PRKACB: variants seen among roughly 807,000 people sequenced by gnomAD.
The protein encoded by PRKACB is cAMP-dependent protein kinase catalytic subunit beta.
Under a neutral mutation model 51.4 loss-of-function variants are expected in PRKACB, and 16 were observed. The observed-to-expected ratio is 0.31, with a 90% CI of 0.21 to 0.47. The LOEUF is 0.47. Among genes scored for constraint, PRKACB ranks in the 20% least tolerant of loss-of-function variants. PRKACB has a pLI of 1.00. For synonymous variants in PRKACB, 147 were observed against 154.4 expected, an observed-to-expected ratio of 0.95 and a Z score of 0.35; for missense variants, 309 against 464.5, an observed-to-expected ratio of 0.67 and a Z score of 3.08.
At chr1:84,225,208 T>C (rs920790695) in intron 9 of PRKACB, among the ~76,000 whole-genome samples, 1 of 152,092 alleles carries the variant, frequency 6.6e-6, no homozygotes, top group Non-Finnish European at 1.5e-5. Context: ...GTAGGCAGAG[T>C]GAGTCTGTCC....
At chr1:84,102,607 A>G (rs1649436980) in intron 1 of PRKACB, among the ~76,000 whole-genome samples, 1 of 152,204 alleles carries the variant, frequency 6.6e-6, no homozygotes, top group African/African-American at 2.4e-5. Flanking sequence ...AGAAACCCAC[A>G]GAGTTTTAAA....
chr1:84,097,124 T>G (rs1648979856), intron 1 of PRKACB, among the ~76,000 whole-genome samples: 1 of 152,070 alleles, frequency 6.6e-6, no homozygotes, highest in African/African-American at 2.4e-5. Context: ...CACAATTTAT[T>G]TTTTCTTTCT....
intron 8 of PRKACB, among the ~76,000 whole-genome samples, chr1:84,203,386 AT>A (rs1294282817): frequency 2.0e-5 from 3 of 152,018 alleles, no homozygotes; most frequent in African/African-American, 7.2e-5. Flanking sequence ...GTGTTGTAGT[AT>A]TTTACATTTT....
chr1:84,128,007 C>CTTTTTTTTTTTTTTTTTT (rs10537848), intron 1 of PRKACB, among the ~76,000 whole-genome samples: 1 of 105,396 alleles, frequency 9.5e-6, no homozygotes, highest in Admixed American at 1.1e-4. Flanking sequence ...CTTTTTTTTT[C>CTTTTTTTTTTTTTTTTTT]TTTTTTTTTT....
At chr1:84,200,541 G>T (rs1343063275) in intron 7 of PRKACB, among the ~76,000 whole-genome samples, 1 of 152,152 alleles carries the variant, frequency 6.6e-6, no homozygotes, top group Non-Finnish European at 1.5e-5. Context: ...TGGTGTCTTT[G>T]TCATGAAACC....
Position 84,179,248 on chromosome 1 carries a change from A to T in PRKACB, c.249+10A>T. On this transcript the variant is annotated intron_variant, in intron 2 of 9. Transcript: ENST00000370685. ...GGAGAATCCAACTCAGGTAAGGAAT[A>T]TTTAGATTTTTCTAAAATTAAAAAT... 1 of 1,552,934 alleles carries T rather than the reference A, an allele frequency of 6.4e-7. No homozygotes were observed. Among genetic ancestry groups the T allele is most frequent in the Non-Finnish European group, 8.7e-7 (1 of 1,153,598 alleles).
Position 84,130,189 on chromosome 1 carries a change from C to CAAAA in PRKACB, c.47-48966_47-48963dup, listed in dbSNP as rs71097833. Among the ~76,000 whole-genome samples, 222 of 56,032 alleles carry CAAAA rather than the reference C, an allele frequency of 4.0e-3. 7 individuals are homozygous for CAAAA. The highest frequency in any genetic ancestry group is 5.8e-3 in the Non-Finnish European group (181 of 31,176). 36.8% of individuals were successfully genotyped at this position (56,032 alleles called of 152,430 possible). A position where few individuals can be genotyped will look rare whatever the true frequency, so the allele number is the denominator to read the frequency against. On this transcript the variant is annotated intron_variant, in intron 1 of 8. Coordinates refer to the PRKACB transcript ENST00000370688. ...TAGGCAACAGAGCGAGACTCCGTCT[C>CAAAA]AAAAAAAAAAAAAAAAAAAAAAAAA...
Position 84,175,923 on chromosome 1 carries a change from CTT to C in PRKACB, c.188-3249_188-3248del, listed in dbSNP as rs1209033264. 4 of 781,456 alleles carry C rather than the reference CTT, an allele frequency of 5.1e-6. No individual in the cohort carries two copies. In the African/African-American group the frequency reaches 5.4e-5, roughly 11 times the overall value. 48.4% of individuals were successfully genotyped at this position (781,456 alleles called of 1,614,324 possible). A position where few individuals can be genotyped will look rare whatever the true frequency, so the allele number is the denominator to read the frequency against. On this transcript the variant is annotated intron_variant, in intron 1 of 9. Coordinates refer to ENST00000370685, the MANE Select transcript of PRKACB (RefSeq NM_182948.4). ...AATAAATTAATTTTTTGTGTGTCCT[CTT>C]TTTTGTAGTATCTACTTTGTTCAAT...
intron 8 of PRKACB, among the ~76,000 whole-genome samples, chr1:84,210,028 C>T (rs549179873): frequency 6.6e-6 from 1 of 152,160 alleles, no homozygotes; most frequent in Non-Finnish European, 1.5e-5. Context: ...TGTACTCTAT[C>T]TTTGGTATCT....
chr1:84,108,178 A>G (rs1490647519), intron 1 of PRKACB, among the ~76,000 whole-genome samples: 1 of 152,150 alleles, frequency 6.6e-6, no homozygotes. Flanking sequence ...TTGCGGGAAC[A>G]TGGGTGGAAC....
At chr1:84,159,771 C>G (rs1415547715) in intron 1 of PRKACB, among the ~76,000 whole-genome samples, 1 of 152,006 alleles carries the variant, frequency 6.6e-6, no homozygotes, top group African/African-American at 2.4e-5. Context: ...CTTTCTAGTC[C>G]TCGTTGTTGA....
intron 1 of PRKACB, chr1:84,086,300 GC>G: frequency 9.8e-7 from 1 of 1,023,458 alleles, no homozygotes; most frequent in Non-Finnish European, 1.5e-6. Flanking sequence ...CCTTCCTGCT[GC>G]CTCCCTCCTG....
chr1:84,110,004 A>G (rs766995773), intron 1 of PRKACB, among the ~76,000 whole-genome samples: 3 of 151,856 alleles, frequency 2.0e-5, no homozygotes, highest in Non-Finnish European at 2.9e-5. Flanking sequence ...AGGCCTACTC[A>G]TACTTTCAGC....
intron 5 of PRKACB, among the ~76,000 whole-genome samples, chr1:84,191,071 C>A (rs901354795): frequency 1.1e-4 from 16 of 152,030 alleles, no homozygotes; most frequent in Non-Finnish European, 1.5e-5. Context: ...ATGTTACCAG[C>A]TGATTGCTTT....
chr1:84,144,268 G>C, upstream of PRKACB: 2 of 1,526,964 alleles, frequency 1.3e-6, no homozygotes, highest in Non-Finnish European at 1.7e-6. Flanking sequence ...CAGGAAGTTT[G>C]ACACATGCAT....
intron 1 of PRKACB, among the ~76,000 whole-genome samples, chr1:84,137,659 C>T (rs1399582385): frequency 6.6e-6 from 1 of 152,106 alleles, no homozygotes; most frequent in Non-Finnish European, 1.5e-5. Context: ...TAAGTGGAGT[C>T]CGTAAGACTG....
chr1:84,153,810 T>C (rs1454844807), intron 1 of PRKACB, among the ~76,000 whole-genome samples: 1 of 152,166 alleles, frequency 6.6e-6, no homozygotes, highest in Non-Finnish European at 1.5e-5. Flanking sequence ...TGCCATATCT[T>C]GTGAATAATG....
At chr1:84,104,262 A>G (rs1436189983) in intron 1 of PRKACB, among the ~76,000 whole-genome samples, 1 of 152,140 alleles carries the variant, frequency 6.6e-6, no homozygotes, top group Non-Finnish European at 1.5e-5. Context: ...ATTTCACTTA[A>G]CATAACATCC....
At chr1:84,219,562 T>C (rs1673387038) in intron 9 of PRKACB, among the ~76,000 whole-genome samples, 1 of 151,862 alleles carries the variant, frequency 6.6e-6, no homozygotes, top group Non-Finnish European at 1.5e-5. Context: ...GTATGTTTTC[T>C]TCTAGTATTG....
Sources: gnomAD v4.1 joint callset for allele counts (sites outside exome capture counted in the v4.1 genomes callset) on GRCh38, gnomAD v4.1.1 for gene constraint, MANE v1.5 for transcripts, NCBI Gene and HGNC (gene_info 2026-07-23, HGNC 2026-07-21) for gene names.